LMLN: variants seen among roughly 807,000 people sequenced by gnomAD.
LMLN encodes leishmanolysin-like peptidase.
In LMLN, 70 loss-of-function variants were observed where a neutral mutation model predicts 92.3. That is an observed-to-expected ratio of 0.76 (90% CI 0.63 to 0.92). The LOEUF (loss-of-function observed/expected upper bound fraction) is 0.92, where lower values mean the gene tolerates loss of function less well. Among genes scored for constraint, LMLN ranks in the 40% least tolerant of loss-of-function variants. LMLN has a pLI of 0.00. For missense variants in LMLN, 691 were observed against 814.6 expected (o/e 0.85, Z 1.85); for synonymous variants, 308 against 296.2 (o/e 1.04, Z -0.41).
chr3:197,985,709 G>T (rs770990223), intron 7 of LMLN, 87 bp from the exon 8 acceptor site: 4 of 812,944 alleles, frequency 4.9e-6, no homozygotes, highest in Non-Finnish European at 8.2e-6. Context: ...CTACGTTCCC[G>T]TTAGTATCAG....
chr3:198,006,290 T>C (rs76217948), intron 11 of LMLN, among the ~76,000 whole-genome samples: 2,865 of 152,322 alleles, frequency 0.019, 48 homozygotes, highest in African/African-American at 0.047. Flanking sequence ...CGCAGTATGA[T>C]ACACCACAGT....
chr3:197,969,720 A>T (rs1316185483), intron 1 of LMLN, among the ~76,000 whole-genome samples: 1 of 152,238 alleles, frequency 6.6e-6, no homozygotes, highest in African/African-American at 2.4e-5. Flanking sequence ...TATGTAGTGT[A>T]CTTATGGTAT....
rs538848231 is a variant in LMLN at position 197,972,530 on chromosome 3, A to T, written c.220-1847A>T. Among the ~76,000 whole-genome samples, 15 of 152,176 alleles carry T rather than the reference A, an allele frequency of 9.9e-5. No homozygotes were observed. The East Asian group carries it at 2.9e-3, about 29-fold the overall frequency. On this transcript the variant is annotated intron_variant, in intron 1 of 15. Coordinates refer to ENST00000330198, the Ensembl canonical transcript of LMLN. ...CCTGAACACATTTCAGCTGCATTAA[A>T]CTAGTTGTTTAAATTCAGGTCCTCT... is the stretch of plus-strand genomic sequence containing the variant.
chr3:198,042,933 C>T lies in LMLN; in HGVS notation c.*4266C>T, dbSNP rs910601810. On this transcript the variant is annotated 3_prime_UTR_variant, in exon 16 of 16. Coordinates refer to ENST00000330198, the Ensembl canonical transcript of LMLN. The surrounding 1 kb of genome is among the most constrained non-coding windows in gnomAD (Gnocchi z 4.2). ...CTTTTATTTCTTAAAACCAGTAACC[C>T]TTACATTTTTCCTATAGGATAGTTA... 31 of 152,106 alleles carry T rather than the reference C, an allele frequency of 2.0e-4. No homozygotes were observed. Among genetic ancestry groups the T allele is most frequent in the African/African-American group, 7.2e-4 (30 of 41,406 alleles). 9.4% of individuals were successfully genotyped at this position (152,106 alleles called of 1,614,324 possible).
chr3:197,999,532 T>G lies in LMLN; in HGVS notation c.1232+190T>G, dbSNP rs1581157812. 5 of 585,150 alleles carry G rather than the reference T, an allele frequency of 8.5e-6. No homozygotes were observed. In the East Asian group the frequency reaches 1.4e-4, roughly 17 times the overall value. The allele number at this position is 585,150 out of a possible 1,614,324, so 36.2% of individuals were successfully genotyped here. On this transcript the variant is annotated intron_variant, in intron 11 of 15. Transcript: ENST00000330198. ...ATTCATTCGTTCATTCAATAAATAC[T>G]TTTGTTGTTGGTTTTAAAATAGGGT...
chr3:198,037,983 C>T (rs578062640), intron 15 of LMLN, among the ~76,000 whole-genome samples: 1 of 151,580 alleles, frequency 6.6e-6, no homozygotes, highest in Non-Finnish European at 1.5e-5. Flanking sequence ...CCTCACAGTC[C>T]GTCTGCCTAT....
intron 1 of LMLN, among the ~76,000 whole-genome samples, chr3:197,964,540 A>C (rs1720997519): frequency 6.6e-6 from 1 of 151,772 alleles, no homozygotes; most frequent in Non-Finnish European, 1.5e-5. Flanking sequence ...TTGGGACTAC[A>C]GGTGCACGCC....
rs369406512 is a variant in LMLN, at chr3:197,974,478, A to G, written c.317+4A>G. 62 of 1,379,486 alleles carry G rather than the reference A, an allele frequency of 4.5e-5. No homozygotes were observed. In the African/African-American group the frequency reaches 8.2e-4, roughly 18 times the overall value. 85.5% of individuals were successfully genotyped at this position (1,379,486 alleles called of 1,614,324 possible). Reference sequence around the variant, plus strand: ...TCTATGATAAAAGTGTTGAAGAGTAAGTACACCATTGTATTGTCATCTTTT... The same window carrying G: ...TCTATGATAAAAGTGTTGAAGAGTAGGTACACCATTGTATTGTCATCTTTT... On this transcript the variant is annotated splice_donor_region_variant and intron_variant, in intron 2 of 15. Transcript: ENST00000330198.
chr3:198,003,046 A>C (rs201268410), intron 11 of LMLN: 157 of 1,551,294 alleles, frequency 1.0e-4, no homozygotes, highest in Non-Finnish European at 2.1e-5. Flanking sequence ...CATGGCTGAG[A>C]AGTTAGACTG....
At chr3:197,977,230 G>A in intron 5 of LMLN, among the ~76,000 whole-genome samples, 1 of 152,162 alleles carries the variant, frequency 6.6e-6, no homozygotes, top group East Asian at 1.9e-4. Context: ...AAGTGAAGGA[G>A]ATCTCTATGT....
At chr3:198,003,515 A>G (rs1482722352) in intron 11 of LMLN, among the ~76,000 whole-genome samples, 1 of 152,174 alleles carries the variant, frequency 6.6e-6, no homozygotes, top group Non-Finnish European at 1.5e-5. Flanking sequence ...AGGGGTTTCC[A>G]AATCCAGATG....
At chr3:197,991,032 T>C (rs1187298690) in intron 9 of LMLN, among the ~76,000 whole-genome samples, 2 of 152,058 alleles carry the variant, frequency 1.3e-5, no homozygotes, top group African/African-American at 2.4e-5. Context: ...TATATATCTA[T>C]ACATCTGTAT....
At chr3:197,966,079 G>A (rs566248365) in intron 1 of LMLN, among the ~76,000 whole-genome samples, 160 of 152,210 alleles carry the variant, frequency 1.1e-3, no homozygotes, top group Non-Finnish European at 1.5e-3. Context: ...GTCTCTCTCC[G>A]TTGCCCAGGC....
At position 198,017,495 on chromosome 3, in the gene LMLN, A is replaced by G. The variant is rs114817809; in HGVS notation, c.1233-1758A>G. On this transcript the variant is annotated intron_variant, in intron 11 of 15. Transcript: ENST00000330198. ...ATGTTCGAAGCAACTAAAACTGATA[A>G]ATCGCCCAACTCCTCTGCCTAGCTC... is the stretch of plus-strand genomic sequence containing the variant. Among the ~76,000 whole-genome samples, 1,190 of 152,274 alleles carry G rather than the reference A, an allele frequency of 7.8e-3. 4 individuals are homozygous for G. The highest frequency in any genetic ancestry group is 0.012 in the Non-Finnish European group (844 of 68,016).
At chr3:197,961,642 T>C (rs753305313) in intron 1 of LMLN, among the ~76,000 whole-genome samples, 4 of 152,242 alleles carry the variant, frequency 2.6e-5, no homozygotes, top group Non-Finnish European at 5.9e-5. Context: ...AAATACCCTG[T>C]CGTCCTCACT....
chr3:198,035,815 T>TTTA lies in LMLN; in HGVS notation c.1657-16_1657-15insATT. ...GATATTTATTATTTTTATATATCTA[T>TTTA]TTTTTTCCTGTTTGAAGGTTTCTTG... On this transcript the variant is annotated splice_polypyrimidine_tract_variant and intron_variant, in intron 14 of 15. Coordinates refer to ENST00000330198, the Ensembl canonical transcript of LMLN. The TTTA allele has an allele frequency of 6.3e-7, 1 of 1,577,100 alleles. No individual in the cohort carries two copies. The highest frequency in any genetic ancestry group is 8.7e-7 in the Non-Finnish European group (1 of 1,148,134).
intron 14 of LMLN, among the ~76,000 whole-genome samples, chr3:198,035,319 C>T (rs558081661): frequency 6.6e-6 from 1 of 150,914 alleles, no homozygotes; most frequent in African/African-American, 2.4e-5. Flanking sequence ...ACTCCTGCCA[C>T]ACAGAGTGTA....
chr3:197,984,790 C>T (rs1721656285), intron 7 of LMLN, among the ~76,000 whole-genome samples: 1 of 151,986 alleles, frequency 6.6e-6, no homozygotes, highest in Non-Finnish European at 1.5e-5. Context: ...ATCCTCCCAC[C>T]TCAACCTCCA....
At chr3:198,000,692 T>C (rs1196567385) in intron 11 of LMLN, among the ~76,000 whole-genome samples, 3 of 152,196 alleles carry the variant, frequency 2.0e-5, no homozygotes, top group Non-Finnish European at 4.4e-5. Context: ...CCTCCCAAAG[T>C]GCTGGGATTA....
Sources: allele counts gnomAD v4.1 joint callset (sites outside exome capture counted in the v4.1 genomes callset), GRCh38; gene constraint gnomAD v4.1.1; non-coding constraint Gnocchi (gnomAD v3.1); transcripts MANE v1.5; gene names NCBI Gene and HGNC (gene_info 2026-07-23, HGNC 2026-07-21).